Variants in PTPRG observed in about 807,000 individuals in gnomAD.
PTPRG encodes protein tyrosine phosphatase receptor type G.
Under a neutral mutation model 165.3 loss-of-function variants are expected in PTPRG, and 102 were observed. The observed-to-expected ratio is 0.62, with a 90% CI of 0.53 to 0.73. The LOEUF is 0.73. Ranked by LOEUF, PTPRG falls within the 30% of genes least tolerant of loss-of-function variation. The probability of loss-of-function intolerance (pLI) is 0.00; values close to 1 mark genes in which losing one functional copy is unlikely to be tolerated. For missense variants in PTPRG, 1,866 were observed against 1,861.4 expected, an observed-to-expected ratio of 1.00 and a Z score of -0.05; for synonymous variants, 675 against 669.5, an observed-to-expected ratio of 1.01 and a Z score of -0.13.
At chr3:62,108,935 T>G (rs901043894) in intron 5 of PTPRG, among the ~76,000 whole-genome samples, 4 of 144,788 alleles carry the variant, frequency 2.8e-5, no homozygotes, top group African/African-American at 1.0e-4. Flanking sequence ...ATTCTAGATA[T>G]TAGCCCTTTG....
chr3:62,175,327 G>A (rs1229903244), intron 8 of PTPRG, among the ~76,000 whole-genome samples: 1 of 152,226 alleles, frequency 6.6e-6, no homozygotes, highest in Non-Finnish European at 1.5e-5. Flanking sequence ...AGAAAGGCTA[G>A]CAAGAGAGCC....
At chr3:61,925,743 T>TAAA (rs35919403) in intron 2 of PTPRG, 49 of 331,356 alleles carry the variant, frequency 1.5e-4, no homozygotes, top group African/African-American at 4.5e-4. Context: ...ACTCTATCTT[T>TAAA]AAAAAAAAAA....
chr3:61,765,163 G>A (rs2033978227), intron 2 of PTPRG, among the ~76,000 whole-genome samples: 1 of 152,184 alleles, frequency 6.6e-6, no homozygotes. Flanking sequence ...AGTGGCTAAG[G>A]TATTAGAGAA....
intron 2 of PTPRG, among the ~76,000 whole-genome samples, chr3:61,864,925 A>G (rs1435217135): frequency 1.3e-5 from 2 of 152,052 alleles, no homozygotes; most frequent in African/African-American, 4.8e-5. Flanking sequence ...TGATATTTCA[A>G]TGTCTCAGGA....
At chr3:62,089,608 T>C (rs1489181122) in intron 5 of PTPRG, among the ~76,000 whole-genome samples, 1 of 152,186 alleles carries the variant, frequency 6.6e-6, no homozygotes, top group Non-Finnish European at 1.5e-5. Flanking sequence ...ATTGTACAGG[T>C]GTCTTCTGAG....
chr3:62,039,160 C>T (rs1700045430), intron 4 of PTPRG, among the ~76,000 whole-genome samples: 2 of 152,038 alleles, frequency 1.3e-5, no homozygotes, highest in African/African-American at 2.4e-5. Context: ...CTCTTGAACT[C>T]CTGACGTTAA....
chr3:62,032,618 ATTT>A (rs1432404701), intron 4 of PTPRG, among the ~76,000 whole-genome samples: 2 of 152,106 alleles, frequency 1.3e-5, no homozygotes, highest in Non-Finnish European at 2.9e-5. Context: ...TGACAGCAGG[ATTT>A]ACTCCTGAGT....
intron 2 of PTPRG, among the ~76,000 whole-genome samples, chr3:61,896,905 C>G (rs2038366813): frequency 6.7e-6 from 1 of 149,752 alleles, no homozygotes; most frequent in African/African-American, 2.5e-5. Context: ...ATTCTCTTTT[C>G]TAATTGTATT....
At chr3:62,098,792 C>G (rs1251052956) in intron 5 of PTPRG, among the ~76,000 whole-genome samples, 6 of 152,168 alleles carry the variant, frequency 3.9e-5, no homozygotes, top group Non-Finnish European at 8.8e-5. Context: ...TCTCAGAAAG[C>G]TAGCAGAGTC....
intron 7 of PTPRG, among the ~76,000 whole-genome samples, chr3:62,159,123 G>A (rs1049029812): frequency 3.3e-5 from 5 of 151,832 alleles, no homozygotes; most frequent in Non-Finnish European, 7.4e-5. Context: ...CCAGGAATTT[G>A]AGACCAGCCT....
chr3:61,911,386 A>C (rs946108417), intron 2 of PTPRG, among the ~76,000 whole-genome samples: 2 of 152,212 alleles, frequency 1.3e-5, no homozygotes, highest in Non-Finnish European at 2.9e-5. Context: ...TGCTAATTCC[A>C]TCACTTTGGC....
intron 8 of PTPRG, among the ~76,000 whole-genome samples, chr3:62,171,698 G>A (rs1234750365): frequency 1.3e-5 from 2 of 151,684 alleles, no homozygotes; most frequent in African/African-American, 4.8e-5. Flanking sequence ...GCTGAATAGT[G>A]TCCCTATTTT....
chr3:62,001,412 C>G (rs2041169787), intron 3 of PTPRG, among the ~76,000 whole-genome samples: 2 of 152,078 alleles, frequency 1.3e-5, no homozygotes, highest in South Asian at 4.1e-4. Context: ...TGTATTGTAA[C>G]AGATGCAATC....
At chr3:62,168,777 C>A (rs1705097577) in intron 8 of PTPRG, among the ~76,000 whole-genome samples, 1 of 152,180 alleles carries the variant, frequency 6.6e-6, no homozygotes, top group African/African-American at 2.4e-5. Flanking sequence ...CGTCTGTGGA[C>A]AGCTTAAGTG....
At chr3:61,859,992 T>C (rs190986134) in intron 2 of PTPRG, among the ~76,000 whole-genome samples, 48 of 152,350 alleles carry the variant, frequency 3.2e-4, no homozygotes, top group African/African-American at 9.9e-4. Flanking sequence ...TTGTGATCAA[T>C]AGAATATATC....
At chr3:61,784,868 G>T (rs752104998) in intron 2 of PTPRG, among the ~76,000 whole-genome samples, 2 of 152,114 alleles carry the variant, frequency 1.3e-5, no homozygotes, top group Non-Finnish European at 2.9e-5. Context: ...GTGTGCTCAA[G>T]AACAGCTTAA....
At chr3:61,752,736 A>C (rs1478191149) in intron 2 of PTPRG, among the ~76,000 whole-genome samples, 3 of 142,902 alleles carry the variant, frequency 2.1e-5, no homozygotes, top group African/African-American at 7.8e-5. Context: ...CAGTAAGCTG[A>C]AATCGTGCCA....
At chr3:61,677,208 G>C (rs1186456009) in intron 1 of PTPRG, among the ~76,000 whole-genome samples, 1 of 141,834 alleles carries the variant, frequency 7.1e-6, no homozygotes, top group East Asian at 2.1e-4. Flanking sequence ...TCGCACCACT[G>C]CACTCCAGCG....
chr3:61,773,238 C>CA (rs1366844108), intron 2 of PTPRG, among the ~76,000 whole-genome samples: 1 of 151,970 alleles, frequency 6.6e-6, no homozygotes, highest in African/African-American at 2.4e-5. Flanking sequence ...AAAAAAGTGA[C>CA]AAAGACCATA....
Sources: gnomAD v4.1 joint callset for allele counts (sites outside exome capture counted in the v4.1 genomes callset) on GRCh38, gnomAD v4.1.1 for gene constraint, MANE v1.5 for transcripts, NCBI Gene and HGNC (gene_info 2026-07-23, HGNC 2026-07-21) for gene names.